Variants in SLC45A4 observed in about 807,000 individuals in gnomAD.
The protein encoded by SLC45A4 is polyamine-transporter SLC45A4.
SLC45A4 carries 32 observed loss-of-function variants against 63.7 expected under a neutral mutation model. That is an observed-to-expected ratio of 0.50 (90% confidence interval 0.38 to 0.67). The LOEUF is 0.67. Among genes scored for constraint, SLC45A4 ranks in the 30% least tolerant of loss-of-function variants. SLC45A4 has a pLI of 0.00. For missense variants in SLC45A4, 1,027 were observed against 1,157.7 expected, an observed-to-expected ratio of 0.89 and a Z score of 1.64; for synonymous variants, 535 against 510.0, an observed-to-expected ratio of 1.05 and a Z score of -0.66.
intron 1 of SLC45A4, among the ~76,000 whole-genome samples, chr8:141,295,499 A>C (rs1478842326): frequency 6.6e-6 from 1 of 152,216 alleles, no homozygotes; most frequent in Non-Finnish European, 1.5e-5. Context: ...GAACTACCGC[A>C]CTCAGCAGGG....
intron 1 of SLC45A4, among the ~76,000 whole-genome samples, chr8:141,298,496 C>A (rs1352488986): frequency 2.0e-5 from 3 of 152,246 alleles, no homozygotes; most frequent in Non-Finnish European, 4.4e-5. Context: ...AGCTCACAGT[C>A]TGAGCCTAGT....
At chr8:141,279,691 G>A (rs796079270) in intron 1 of SLC45A4, among the ~76,000 whole-genome samples, 8 of 152,170 alleles carry the variant, frequency 5.3e-5, no homozygotes, top group African/African-American at 1.4e-4. Context: ...CACGCCCCGC[G>A]CTGGCCGGCA....
At chr8:141,233,228 C>G (rs747331913) in intron 2 of SLC45A4, among the ~76,000 whole-genome samples, 2 of 152,218 alleles carry the variant, frequency 1.3e-5, no homozygotes, top group South Asian at 4.1e-4. Flanking sequence ...GGGCTGCAGA[C>G]ATTCGTTCAT....
At chr8:141,211,973 C>A (rs1171767135) in intron 8 of SLC45A4, 10 of 1,282,472 alleles carry the variant, frequency 7.8e-6, no homozygotes, top group Admixed American at 3.8e-5. Flanking sequence ...TTTTAATTAT[C>A]GAAAAAGTGG....
At chr8:141,298,125 CCCACAGGCCATGTCCTTTAAAACTCAGT>C (rs1830627987) in intron 1 of SLC45A4, among the ~76,000 whole-genome samples, 1 of 152,238 alleles carries the variant, frequency 6.6e-6, no homozygotes, top group South Asian at 2.1e-4. Flanking sequence ...TTCCCTTCAT[CCCACAGGCCATGTCCTTTAAAACTCAGT>C]TCAAAGACTA....
chr8:141,241,834 C>T (rs60847377), intron 2 of SLC45A4, among the ~76,000 whole-genome samples: 1,811 of 152,286 alleles, frequency 0.012, 34 homozygotes, highest in African/African-American at 0.039. Context: ...CAGAAAAGGA[C>T]GTGGCTGTGT....
intron 7 of SLC45A4, among the ~76,000 whole-genome samples, chr8:141,213,972 C>T (rs1569557862): frequency 1.3e-5 from 2 of 152,050 alleles, no homozygotes; most frequent in African/African-American, 4.8e-5. Flanking sequence ...CTTGGGAGGC[C>T]GAGACGGGTG....
At chr8:141,304,574 G>GT (rs1563687598) in intron 1 of SLC45A4, among the ~76,000 whole-genome samples, 1 of 120,342 alleles carries the variant, frequency 8.3e-6, no homozygotes, top group East Asian at 2.4e-4. Context: ...AAAAAAAAAA[G>GT]GGGGGGAGAG....
In SLC45A4 at chr8:141,211,563, G is replaced by A. The variant is rs148784140; in HGVS notation, c.*9C>T. ...CAACTCGCTGAGGAAAAGAAGATACGTCATTCTTCTAAGAGAACCACATTG... is the reference window on the plus strand; with the variant it reads ...CAACTCGCTGAGGAAAAGAAGATACATCATTCTTCTAAGAGAACCACATTG... On this transcript the variant is annotated 3_prime_UTR_variant, in exon 9 of 9. Transcript: ENST00000517878. 220 of 1,613,248 alleles carry A rather than the reference G, an allele frequency of 1.4e-4. 2 individuals carry two copies. The African/African-American group carries it at 2.3e-3, about 17-fold the overall frequency.
At chr8:141,285,259 A>G (rs1830095098) in intron 1 of SLC45A4, among the ~76,000 whole-genome samples, 1 of 152,226 alleles carries the variant, frequency 6.6e-6, no homozygotes, top group Non-Finnish European at 1.5e-5. Flanking sequence ...CCCGCACCCC[A>G]GCGGCCATCC....
Position 141,228,476 on chromosome 8 carries a change from T to TGGGCACCTGTCTTCACTGGC in SLC45A4, c.242-6731_242-6712dup, listed in dbSNP as rs370652448. The TGGGCACCTGTCTTCACTGGC allele has an allele frequency of 2.1e-3, 2,804 of 1,357,162 alleles. 44 individuals carry two copies. In the African/African-American group the frequency reaches 0.037, roughly 18 times the overall value. 84.1% of individuals were successfully genotyped at this position (1,357,162 alleles called of 1,614,324 possible). A position where few individuals can be genotyped will look rare whatever the true frequency, so the allele number is the denominator to read the frequency against. On this transcript the variant is annotated intron_variant, in intron 2 of 8. Transcript: ENST00000517878. ...CAGGGCCGACCCTGTGTCCAGCTTG[T>TGGGCACCTGTCTTCACTGGC]GGGCACCTGTCTTCACTGGCAGGCA... is the stretch of plus-strand genomic sequence containing the variant.
At chr8:141,234,989 G>A (rs1029228875) in intron 2 of SLC45A4, among the ~76,000 whole-genome samples, 1 of 152,194 alleles carries the variant, frequency 6.6e-6, no homozygotes, top group African/African-American at 2.4e-5. Context: ...GAATGCGCCC[G>A]CTACCTAGCA....
At position 141,217,991 on chromosome 8, in the gene SLC45A4, TCCGGTGGCC is replaced by T. The variant is rs1826276493; in HGVS notation, c.1629+11_1629+19del. 2.0e-5 allele frequency: 5 copies of T among 250,468 alleles called. No homozygotes were observed. The East Asian group carries it at 2.9e-3, about 147-fold the overall frequency. 15.5% of individuals were successfully genotyped at this position (250,468 alleles called of 1,614,324 possible). The stretch of plus-strand genomic sequence containing the variant: ...AGGTGGGCAGAGAGAGCGGCCCCGC[TCCGGTGGCC>T]GAGCACTCACCTTGGGGTCGCCTTC... On this transcript the variant is annotated intron_variant, in intron 5 of 8. Transcript: ENST00000517878.
chr8:141,293,442 A>C (rs1830429678), intron 1 of SLC45A4, among the ~76,000 whole-genome samples: 1 of 152,096 alleles, frequency 6.6e-6, no homozygotes, highest in African/African-American at 2.4e-5. Flanking sequence ...CAACAGAATG[A>C]GACTCCGTCT....
chr8:141,231,055 C>G (rs908866420), intron 2 of SLC45A4, among the ~76,000 whole-genome samples: 2 of 152,222 alleles, frequency 1.3e-5, no homozygotes, highest in African/African-American at 4.8e-5. Flanking sequence ...AGGGAAAGAC[C>G]AGCACCTGAC....
rs78999074 is a variant in SLC45A4, at chr8:141,217,909, G to C, written c.1629+102C>G. ...AGGCACTGTGTGGCCTCCCTGACAC[G>C]CGTGGGCACGAGGAAGAGGCCCCCC... On this transcript the variant is annotated intron_variant, in intron 5 of 8. Coordinates refer to ENST00000517878, the MANE Select transcript of SLC45A4 (RefSeq NM_001286646.2). 3.9e-5 allele frequency: 53 copies of C among 1,371,124 alleles called. 1 individual carries two copies. In the South Asian group the frequency reaches 6.7e-4, roughly 17 times the overall value. The allele number at this position is 1,371,124 out of a possible 1,614,324, so 84.9% of individuals were successfully genotyped here.
chr8:141,221,527 C>T lies in SLC45A4; in HGVS notation c.430+50G>A. The T allele has an allele frequency of 1.9e-6, 3 of 1,570,772 alleles. No individual in the cohort carries two copies. The South Asian group carries it at 3.5e-5, about 18-fold the overall frequency. On this transcript the variant is annotated intron_variant, in intron 3 of 8. Transcript: ENST00000517878. ...TTTAATGAGAGGAGCTACCCAGGGC[C>T]AGGACCCCGTCTGTGTTGTGAGGAC...
chr8:141,305,600 TG>T (rs1830872346), intron 1 of SLC45A4, among the ~76,000 whole-genome samples: 2 of 152,186 alleles, frequency 1.3e-5, no homozygotes, highest in South Asian at 4.1e-4. Flanking sequence ...ACTGGCAATT[TG>T]GGGTTGTCTG....
intron 1 of SLC45A4, among the ~76,000 whole-genome samples, chr8:141,277,734 G>A (rs1829784355): frequency 6.6e-6 from 1 of 152,020 alleles, no homozygotes; most frequent in Non-Finnish European, 1.5e-5. Context: ...CCGCCTCCCG[G>A]GTTCACGCCA....
Sources: gnomAD v4.1 joint callset for allele counts (sites outside exome capture counted in the v4.1 genomes callset) on GRCh38, gnomAD v4.1.1 for gene constraint, MANE v1.5 for transcripts, NCBI Gene and HGNC (gene_info 2026-07-23, HGNC 2026-07-21) for gene names.